The following CEP131 variants were observed in gnomAD, a reference collection of about 807,000 sequenced individuals.
The protein encoded by CEP131 is centrosomal protein of 131 kDa.
In CEP131, 99 loss-of-function variants were observed where a neutral mutation model predicts 136.8. The observed-to-expected ratio is 0.72, with a 90% CI of 0.62 to 0.86. CEP131 has a LOEUF of 0.86. Ranked by LOEUF, CEP131 falls within the 40% of genes least tolerant of loss-of-function variation. The probability of loss-of-function intolerance (pLI) is 0.00; values close to 1 mark genes in which losing one functional copy is unlikely to be tolerated. For synonymous variants in CEP131, 646 were observed against 612.7 expected (o/e 1.05, Z -0.80); for missense variants, 1,459 against 1,463.0 (o/e 1.00, Z 0.04).
intron 14 of CEP131, 27 bp downstream of exon 14, chr17:81,196,903 C>G: frequency 6.2e-7 from 1 of 1,607,524 alleles, no homozygotes; most frequent in Non-Finnish European, 8.5e-7. Context: ...TAGCAGGGCC[C>G]GGGATTAGCA....
At position 81,219,296 on chromosome 17, in the gene CEP131, C is replaced by CTT. The variant is rs11382761; in HGVS notation, c.177+582_177+583dup. 3.6e-3 allele frequency among the ~76,000 whole-genome samples: 472 copies of CTT among 131,376 alleles called. 4 individuals carry two copies. The highest frequency in any genetic ancestry group is 0.011 in the East Asian group (48 of 4,472). The allele number at this position is 131,376 out of a possible 152,430, so 86.2% of individuals were successfully genotyped here. On this transcript the variant is annotated intron_variant, in intron 2 of 25. Transcript: ENST00000450824. This position sits in a 1 kb window ranked among gnomAD's most constrained non-coding sequence, Gnocchi z 4.0. ...CCCCACAGGTCAACCCCATTTCTTTCTTTTTTTTTTTTTTTTGAGATGGCA... is the reference window on the plus strand; with the variant it reads ...CCCCACAGGTCAACCCCATTTCTTTCTTTTTTTTTTTTTTTTTTGAGATGGCA...
Position 81,208,814 on chromosome 17 carries a change from C to G in CEP131, c.272+114G>C. On this transcript the variant is annotated intron_variant, in intron 3 of 25. Transcript: ENST00000450824. This position sits in a 1 kb window ranked among gnomAD's most constrained non-coding sequence, Gnocchi z 5.6. ...CAGGCCTCACTAGCCAGCAAGGGCC[C>G]GGGACCCAGGAGGCTGGAGGAAGGG... The G allele has an allele frequency of 1.2e-6, 1 of 817,934 alleles. No individual in the cohort carries two copies. Among genetic ancestry groups the G allele is most frequent in the Non-Finnish European group, 1.9e-6 (1 of 514,398 alleles). The allele number at this position is 817,934 out of a possible 1,614,324, so 50.7% of individuals were successfully genotyped here.
At position 81,198,907 on chromosome 17, in the gene CEP131, T is replaced by C. The variant is rs928420859; in HGVS notation, c.1257A>G (p.Glu419=). Reference sequence around the variant, plus strand: ...TCCTGTCCTCTGGAGGCTGCTGTGGTTCTGGGGATGAGTCGGAGGTGGGCA... The same window carrying C: ...TCCTGTCCTCTGGAGGCTGCTGTGGCTCTGGGGATGAGTCGGAGGTGGGCA... ...RCLPTSDSSP[E]PQQPPEDRTQ... Residue 419 remains glutamate (E), a synonymous_variant, in exon 11 of 26, where the codon GAA becomes GAG. Coordinates refer to ENST00000450824, the MANE Select transcript of CEP131 (RefSeq NM_014984.4). 6.3e-7 allele frequency: 1 copy of C among 1,592,994 alleles called. No individual in the cohort carries two copies. Among genetic ancestry groups the C allele is most frequent in the Non-Finnish European group, 8.5e-7 (1 of 1,170,852 alleles).
intron 2 of CEP131, among the ~76,000 whole-genome samples, chr17:81,210,956 AG>A (rs2062119432): frequency 6.6e-6 from 1 of 152,144 alleles, no homozygotes. Flanking sequence ...CAGAAAGTGC[AG>A]GCAGGGAGCC....
chr17:81,207,124 C>G lies in CEP131; in HGVS notation c.387+1G>C, dbSNP rs753159424. On this transcript the variant is annotated splice_donor_variant, in intron 4 of 25. Transcript: ENST00000450824. LOFTEE classifies it high-confidence loss of function. ...ACGTGGGGCCGCATGCACCACCTTA[C>G]CAGGACGTTCCAGGTGGCTCCCTTC... The G allele has an allele frequency of 6.2e-7, 1 of 1,611,618 alleles. No homozygotes were observed. The highest frequency in any genetic ancestry group is 8.5e-7 in the Non-Finnish European group (1 of 1,179,370).
chr17:81,200,679 G>A (rs1165673882), intron 7 of CEP131, among the ~76,000 whole-genome samples: 2 of 152,218 alleles, frequency 1.3e-5, no homozygotes, highest in Non-Finnish European at 2.9e-5. Flanking sequence ...GCCCAGGGGA[G>A]AGGAAACGCC....
chr17:81,193,817 G>T, intron 18 of CEP131, 109 bp downstream of exon 18: 1 of 1,247,544 alleles, frequency 8.0e-7, no homozygotes, highest in Non-Finnish European at 1.1e-6. Flanking sequence ...CCTGCATGCT[G>T]CACTAAGACC....
intron 2 of CEP131, among the ~76,000 whole-genome samples, chr17:81,212,600 G>A (rs1368503756): frequency 6.6e-6 from 1 of 152,192 alleles, no homozygotes; most frequent in Non-Finnish European, 1.5e-5. Flanking sequence ...CCGTGCAGAG[G>A]GGCTGTCCCA....
chr17:81,197,164 C>T (rs1055757616), intron 13 of CEP131, 109 bp from the exon 14 acceptor site: 3 of 1,424,458 alleles, frequency 2.1e-6, no homozygotes, highest in South Asian at 1.5e-5. Context: ...GGGGCTGCTG[C>T]ACACGGGAGC....
chr17:81,198,789 G>T, intron 11 of CEP131, 88 bp downstream of exon 11: 1 of 1,341,712 alleles, frequency 7.5e-7, no homozygotes, highest in Non-Finnish European at 1.0e-6. Flanking sequence ...GGAGGGGCTG[G>T]GAGAAGCTCA....
chr17:81,192,414 C>T, intron 20 of CEP131, 22 bp from the exon 21 acceptor site: 1 of 1,611,302 alleles, frequency 6.2e-7, no homozygotes, highest in Non-Finnish European at 8.5e-7. Context: ...ACATAAGAGG[C>T]CAGTCAGTCC....
chr17:81,210,099 C>T (rs2062098469), intron 2 of CEP131, among the ~76,000 whole-genome samples: 1 of 151,980 alleles, frequency 6.6e-6, no homozygotes, highest in African/African-American at 2.4e-5. Context: ...AGGATCAGAG[C>T]GCTCGGAGAA....
At chr17:81,210,898 T>C (rs1376173034) in intron 2 of CEP131, among the ~76,000 whole-genome samples, 2 of 150,728 alleles carry the variant, frequency 1.3e-5, no homozygotes, top group African/African-American at 4.9e-5. Flanking sequence ...CCCAATCACT[T>C]GTTACGGGCA....
At chr17:81,205,926 C>G (rs1312632597) in intron 5 of CEP131, among the ~76,000 whole-genome samples, 25 of 152,130 alleles carry the variant, frequency 1.6e-4, no homozygotes, top group Admixed American at 1.6e-3. Flanking sequence ...AAGAATTGAG[C>G]TGGGTGCAGT....
intron 2 of CEP131, among the ~76,000 whole-genome samples, chr17:81,216,057 CA>C (rs1442335538): frequency 6.6e-6 from 1 of 151,916 alleles, no homozygotes; most frequent in Non-Finnish European, 1.5e-5. Context: ...CCTGTCCCTA[CA>C]AAAAAATTAA....
intron 5 of CEP131, among the ~76,000 whole-genome samples, chr17:81,204,704 C>T (rs35882962): frequency 0.38 from 57,440 of 151,588 alleles, 13,517 homozygotes; most frequent in East Asian, 0.64. Context: ...GCACCTGCAC[C>T]GGACCACACC....
At position 81,199,470 on chromosome 17, in the gene CEP131, G is replaced by A; in HGVS notation, c.1103C>T (p.Thr368Ile). The A allele has an allele frequency of 6.2e-7, 1 of 1,609,246 alleles. No homozygotes were observed. Among genetic ancestry groups the A allele is most frequent in the Non-Finnish European group, 8.5e-7 (1 of 1,178,594 alleles). ...ERGPPENPRE[T>I]RVPGMRQPAQ... ...AGGCTGCCGCATTCCTGGCACTCTG[G>A]TCTCCCTGGGATTCTCAGGTGGCCC... The change falls in exon 10 of 26, where the codon ACC (threonine) becomes ATC (isoleucine). Residue 368 changes from threonine to isoleucine, a missense_variant. This residue lies in a region of CEP131 where 1,026 missense variants were observed against 964.2 expected (regional missense o/e 1.06). Coordinates refer to ENST00000450824, the MANE Select transcript of CEP131 (RefSeq NM_014984.4).
Position 81,208,219 on chromosome 17 carries a change from C to G in CEP131, c.272+709G>C, listed in dbSNP as rs1423783801. Among the ~76,000 whole-genome samples, 1 of 151,954 alleles carries G rather than the reference C, an allele frequency of 6.6e-6. No homozygotes were observed. Among genetic ancestry groups the G allele is most frequent in the Non-Finnish European group, 1.5e-5 (1 of 67,966 alleles). ...CTGAGCTAAGAGCGGCTCCCGGAGG[C>G]TGCACTGGATAGGGTGTGGTGGCCG... On this transcript the variant is annotated intron_variant, in intron 3 of 25. Transcript: ENST00000450824. This position sits in a 1 kb window ranked among gnomAD's most constrained non-coding sequence, Gnocchi z 5.6.
At chr17:81,214,180 C>G (rs1320342569) in intron 2 of CEP131, among the ~76,000 whole-genome samples, 1 of 152,232 alleles carries the variant, frequency 6.6e-6, no homozygotes, top group African/African-American at 2.4e-5. Flanking sequence ...ATAGCAGAGA[C>G]TGGGTGCGGT....
Sources: allele counts gnomAD v4.1 joint callset (sites outside exome capture counted in the v4.1 genomes callset), GRCh38; gene constraint gnomAD v4.1.1; regional missense constraint gnomAD v4.1.1; non-coding constraint Gnocchi (gnomAD v3.1); transcripts MANE v1.5; gene names NCBI Gene and HGNC (gene_info 2026-07-23, HGNC 2026-07-21).